Variants in NRXN1 observed in about 807,000 individuals in gnomAD.
NRXN1 encodes the protein neurexin 1.
NRXN1 carries 39 observed loss-of-function variants against 150.9 expected under a neutral mutation model. The ratio of observed to expected loss-of-function variants is 0.26; its 90% CI spans 0.20 to 0.34. The LOEUF is 0.34. NRXN1 is among the 10% of genes least tolerant of loss of function. The pLI is 1.00. For synonymous variants in NRXN1, 924 were observed against 757.0 expected, an observed-to-expected ratio of 1.22 and a Z score of -3.62; for missense variants, 1,815 against 1,949.9, an observed-to-expected ratio of 0.93 and a Z score of 1.30.
Position 50,142,753 on chromosome 2 carries a change from G to A in NRXN1, c.3547-51259C>T, listed in dbSNP as rs548251916. ...AGTTATATAAGCATTTAAAAATTTA[G>A]AAATATTAAAAACTGGAAATAATTA... On this transcript the variant is annotated intron_variant, in intron 18 of 22. Transcript: ENST00000401669. 3.4e-4 allele frequency among the ~76,000 whole-genome samples: 51 copies of A among 151,854 alleles called. 3 individuals are homozygous for A. In the South Asian group the frequency reaches 0.01, roughly 31 times the overall value.
At chr2:50,456,722 G>A (rs555269428) in intron 17 of NRXN1, among the ~76,000 whole-genome samples, 51 of 151,910 alleles carry the variant, frequency 3.4e-4, no homozygotes, top group African/African-American at 1.2e-3. Context: ...CAAAAATGAG[G>A]GGCCCTTGGT....
chr2:50,875,583 A>G (rs929348223), intron 5 of NRXN1, among the ~76,000 whole-genome samples: 1 of 151,862 alleles, frequency 6.6e-6, no homozygotes, highest in Admixed American at 6.6e-5. Context: ...TTTCTACCTC[A>G]TGCCTAACCA....
chr2:49,952,942 C>T (rs888036281), intron 21 of NRXN1, among the ~76,000 whole-genome samples: 1 of 152,070 alleles, frequency 6.6e-6, no homozygotes, highest in African/African-American at 2.4e-5. Flanking sequence ...TCTCCAGAAA[C>T]AATTTAAACA....
chr2:50,771,264 T>C (rs901879112), intron 5 of NRXN1, among the ~76,000 whole-genome samples: 1 of 152,072 alleles, frequency 6.6e-6, no homozygotes, highest in Non-Finnish European at 1.5e-5. Flanking sequence ...ACTCTATATA[T>C]TACCGTCAGG....
chr2:50,577,562 A>G (rs1358091439), intron 8 of NRXN1, among the ~76,000 whole-genome samples: 1 of 152,118 alleles, frequency 6.6e-6, no homozygotes, highest in Non-Finnish European at 1.5e-5. Flanking sequence ...GTACTTTTTC[A>G]ACCTGCGGCC....
intron 5 of NRXN1, among the ~76,000 whole-genome samples, chr2:50,728,013 T>C (rs542009221): frequency 1.3e-5 from 2 of 152,164 alleles, no homozygotes; most frequent in South Asian, 2.1e-4. Context: ...ATACTTATTA[T>C]GGAAACAGAA....
chr2:50,528,592 A>G, intron 12 of NRXN1, 33 bp downstream of exon 12: 1 of 1,250,274 alleles, frequency 8.0e-7, no homozygotes, highest in Non-Finnish European at 1.2e-6. Context: ...TAATGGAGGA[A>G]TAACATTTTA....
At position 50,531,209 on chromosome 2, in the gene NRXN1, G is replaced by C. The variant is rs150460414; in HGVS notation, c.2347+18C>G. 1.2e-6 allele frequency: 2 copies of C among 1,603,408 alleles called. No homozygotes were observed. The highest frequency in any genetic ancestry group is 1.3e-5 in the African/African-American group (1 of 74,820). Reference sequence around the variant, plus strand: ...AAGTAAAAAAGTGTTAGTTCAATGGGGGAAGGCAGGTTGTTACCTAGATTG... The same window carrying C: ...AAGTAAAAAAGTGTTAGTTCAATGGCGGAAGGCAGGTTGTTACCTAGATTG... On this transcript the variant is annotated intron_variant, in intron 11 of 22. Transcript: ENST00000401669.
intron 5 of NRXN1, among the ~76,000 whole-genome samples, chr2:50,782,539 A>G (rs927851143): frequency 1.3e-5 from 2 of 152,196 alleles, no homozygotes; most frequent in Non-Finnish European, 2.9e-5. Context: ...AGCACCTGCG[A>G]TAACTTCTTT....
chr2:50,119,817 T>C (rs2152734788), intron 18 of NRXN1, among the ~76,000 whole-genome samples: 1 of 152,294 alleles, frequency 6.6e-6, no homozygotes, highest in Non-Finnish European at 1.5e-5. Flanking sequence ...CTCCAGTCAT[T>C]TTTATATTTC....
chr2:50,982,892 C>G (rs1697060684), intron 2 of NRXN1, among the ~76,000 whole-genome samples: 1 of 152,018 alleles, frequency 6.6e-6, no homozygotes, highest in African/African-American at 2.4e-5. Flanking sequence ...AAACACCTAA[C>G]TGACAAATTC....
At chr2:50,070,524 A>C (rs1031503738) in intron 19 of NRXN1, among the ~76,000 whole-genome samples, 1 of 151,902 alleles carries the variant, frequency 6.6e-6, no homozygotes, top group East Asian at 2.0e-4. Context: ...TAATCCCAGC[A>C]CTTTGGGAGG....
At chr2:50,712,938 A>G (rs921769035) in intron 5 of NRXN1, among the ~76,000 whole-genome samples, 2 of 152,318 alleles carry the variant, frequency 1.3e-5, no homozygotes, top group South Asian at 4.1e-4. Context: ...TCTGATGGAA[A>G]TGATATCATT....
intron 5 of NRXN1, among the ~76,000 whole-genome samples, chr2:50,627,615 G>GACAC (rs142392248): frequency 0.38 from 56,244 of 148,260 alleles, 11,278 homozygotes; most frequent in South Asian, 0.54. Flanking sequence ...GTCAGACACA[G>GACAC]ACACACACAC....
intron 17 of NRXN1, among the ~76,000 whole-genome samples, chr2:50,422,143 T>C (rs766161139): frequency 2.0e-5 from 3 of 152,150 alleles, no homozygotes; most frequent in Non-Finnish European, 2.9e-5. Context: ...AAATAAAAAG[T>C]ATAATTTCTA....
chr2:50,291,498 A>C (rs565615090), intron 17 of NRXN1, among the ~76,000 whole-genome samples: 8 of 152,218 alleles, frequency 5.3e-5, no homozygotes, highest in Non-Finnish European at 1.2e-4. Flanking sequence ...TGCATTTGCA[A>C]CCCATGAACC....
chr2:50,701,051 G>T (rs1386122233), intron 5 of NRXN1, among the ~76,000 whole-genome samples: 1 of 152,136 alleles, frequency 6.6e-6, no homozygotes, highest in Admixed American at 6.5e-5. Context: ...TTTAGTTCTA[G>T]TTAGACACCC....
In NRXN1 at chr2:50,842,823, C is replaced by T. The variant is rs78368762; in HGVS notation, c.832+79046G>A. On this transcript the variant is annotated intron_variant, in intron 5 of 22. Coordinates refer to ENST00000401669, the MANE Select transcript of NRXN1 (RefSeq NM_001330078.2). ...CAGATTTTCATGTAAGTGTGCATTC[C>T]CTCCCTTTTATGTAGCAGACATTTT... is the stretch of plus-strand genomic sequence containing the variant. 7.3e-3 allele frequency among the ~76,000 whole-genome samples: 1,113 copies of T among 152,170 alleles called. 8 individuals are homozygous for T. The highest frequency in any genetic ancestry group is 0.017 in the South Asian group (80 of 4,820).
chr2:49,948,359 T>C (rs913417450), intron 21 of NRXN1, among the ~76,000 whole-genome samples: 5 of 152,098 alleles, frequency 3.3e-5, no homozygotes, highest in African/African-American at 4.8e-5. Flanking sequence ...TGTCATACAA[T>C]GGTACTTCCT....
Sources: allele counts gnomAD v4.1 joint callset (sites outside exome capture counted in the v4.1 genomes callset), GRCh38; gene constraint gnomAD v4.1.1; transcripts MANE v1.5; gene names NCBI Gene and HGNC (gene_info 2026-07-23, HGNC 2026-07-21).